Variants in TRABD2A observed in about 807,000 individuals in gnomAD.
TRABD2A encodes the protein TraB domain containing 2A, also known as metalloprotease TIKI1.
A neutral mutation model predicts 45.6 loss-of-function variants in TRABD2A; 43 were observed. That is an observed-to-expected ratio of 0.94 (90% CI 0.74 to 1.22). The LOEUF (loss-of-function observed/expected upper bound fraction) is 1.22, where lower values mean the gene tolerates loss of function less well. Among genes scored for constraint, TRABD2A ranks in the 50% most tolerant of loss-of-function variants. The pLI, the probability that TRABD2A is intolerant of heterozygous loss-of-function variation, is 0.00. For synonymous variants in TRABD2A, 269 were observed against 265.0 expected (o/e 1.02, Z -0.15); for missense variants, 642 against 652.4 (o/e 0.98, Z 0.17).
chr2:84,876,428 C>T (rs1026917521), intron 1 of TRABD2A, among the ~76,000 whole-genome samples: 3 of 152,064 alleles, frequency 2.0e-5, no homozygotes, highest in Admixed American at 6.5e-5. Flanking sequence ...AGTAGGAGGC[C>T]GATTGAAGAA....
chr2:84,845,008 T>G (rs1251162322), intron 2 of TRABD2A, among the ~76,000 whole-genome samples: 1 of 152,226 alleles, frequency 6.6e-6, no homozygotes, highest in Non-Finnish European at 1.5e-5. Context: ...AACAGACATG[T>G]CAGTCTGCAA....
At position 84,870,095 on chromosome 2, in the gene TRABD2A, G is replaced by A. The variant is rs563892995; in HGVS notation, c.669+130C>T. ...CCACTTGGCTTTTTTTTTAACCCCC[G>A]GAAAAGCATTTTTAAGCAAAGACAA... On this transcript the variant is annotated intron_variant, in intron 2 of 6. Transcript: ENST00000409520. 39 of 968,742 alleles carry A rather than the reference G, an allele frequency of 4.0e-5. No individual in the cohort carries two copies. In the South Asian group the frequency reaches 4.1e-4, roughly 10 times the overall value. The allele number at this position is 968,742 out of a possible 1,614,324, so 60.0% of individuals were successfully genotyped here.
intron 3 of TRABD2A, among the ~76,000 whole-genome samples, chr2:84,840,142 C>T (rs1416234964): frequency 6.6e-6 from 1 of 152,154 alleles, no homozygotes; most frequent in East Asian, 1.9e-4. Context: ...CCAGTAGCCT[C>T]TCAAAAAGCT....
chr2:84,853,888 C>A (rs147157472), intron 2 of TRABD2A, among the ~76,000 whole-genome samples: 1 of 152,050 alleles, frequency 6.6e-6, no homozygotes, highest in Non-Finnish European at 1.5e-5. Flanking sequence ...GGCATGGTGG[C>A]GCACACCTGT....
At chr2:84,876,834 C>T (rs1683039121) in intron 1 of TRABD2A, among the ~76,000 whole-genome samples, 2 of 152,288 alleles carry the variant, frequency 1.3e-5, no homozygotes, top group South Asian at 2.1e-4. Flanking sequence ...ACCACACTGA[C>T]CTTGTTACAT....
rs780491703 is a variant in TRABD2A, at chr2:84,822,117, A to C, written c.1335-17T>G. 13 of 1,536,820 alleles carry C rather than the reference A, an allele frequency of 8.5e-6. No homozygotes were observed. The Admixed American group carries it at 2.6e-4, about 30-fold the overall frequency. ...ACTATGTCACTAGGAGGCAAAGAGAAAGACAGAGTCTGAAGTCACAGCAGA... is the reference window on the plus strand; with the variant it reads ...ACTATGTCACTAGGAGGCAAAGAGACAGACAGAGTCTGAAGTCACAGCAGA... On this transcript the variant is annotated splice_polypyrimidine_tract_variant and intron_variant, in intron 6 of 6. Transcript: ENST00000409520.
intron 4 of TRABD2A, chr2:84,836,134 G>A (rs1232769802): frequency 6.6e-6 from 1 of 152,184 alleles, no homozygotes; most frequent in East Asian, 1.9e-4. Flanking sequence ...GAAAGCATCA[G>A]ACCCAGACTC....
chr2:84,828,131 CTT>C (rs1469801694), intron 5 of TRABD2A, among the ~76,000 whole-genome samples: 1 of 152,194 alleles, frequency 6.6e-6, no homozygotes, highest in Non-Finnish European at 1.5e-5. Flanking sequence ...AACCCCATCT[CTT>C]TCTCTTCTCT....
intron 5 of TRABD2A, 65 bp downstream of exon 5, chr2:84,831,990 T>C: frequency 6.4e-7 from 1 of 1,564,584 alleles, no homozygotes; most frequent in Non-Finnish European, 8.8e-7. Context: ...CAGCCCACCC[T>C]GGTGCCCAGG....
intron 5 of TRABD2A, among the ~76,000 whole-genome samples, chr2:84,825,154 G>A (rs1270621809): frequency 1.3e-5 from 2 of 152,168 alleles, no homozygotes; most frequent in African/African-American, 2.4e-5. Flanking sequence ...GCCTGAGGAA[G>A]GGGAGCAGTG....
intron 1 of TRABD2A, chr2:84,874,853 C>G (rs1268149761): frequency 5.4e-6 from 1 of 184,824 alleles, no homozygotes; most frequent in African/African-American, 2.4e-5. Flanking sequence ...GCCCTCGAAG[C>G]CTTCAAGGAA....
chr2:84,834,355 T>C (rs1681434484), intron 4 of TRABD2A: 1 of 152,188 alleles, frequency 6.6e-6, no homozygotes, highest in Non-Finnish European at 1.5e-5. Flanking sequence ...CTGCAGTTTG[T>C]TTGTGGCAGA....
At chr2:84,832,687 C>G (rs1681378403) in intron 4 of TRABD2A, 1 of 153,032 alleles carries the variant, frequency 6.5e-6, no homozygotes, top group African/African-American at 2.4e-5. Flanking sequence ...GTAATCCCAG[C>G]TACTTGAGAG....
chr2:84,866,501 C>G (rs927927974), intron 2 of TRABD2A, among the ~76,000 whole-genome samples: 3 of 152,112 alleles, frequency 2.0e-5, no homozygotes, highest in African/African-American at 7.2e-5. Context: ...GAAAAAAAAT[C>G]TTTGTCTATA....
At chr2:84,823,805 G>T in intron 6 of TRABD2A, 148 bp downstream of exon 6, 1 of 1,092,816 alleles carries the variant, frequency 9.2e-7, no homozygotes, top group Non-Finnish European at 1.3e-6. Flanking sequence ...CTGTCACAGT[G>T]GACAGAAAAA....
intron 3 of TRABD2A, among the ~76,000 whole-genome samples, chr2:84,841,451 A>G (rs757481534): frequency 2.0e-5 from 3 of 152,220 alleles, no homozygotes; most frequent in Non-Finnish European, 4.4e-5. Context: ...CTGTGAATAC[A>G]CAGCTATATC....
chr2:84,827,387 C>G (rs1681181054), intron 5 of TRABD2A, among the ~76,000 whole-genome samples: 1 of 152,210 alleles, frequency 6.6e-6, no homozygotes, highest in African/African-American at 2.4e-5. Context: ...ATAAAATTAA[C>G]CTATCCTACC....
intron 1 of TRABD2A, among the ~76,000 whole-genome samples, chr2:84,880,297 C>T (rs1356857581): frequency 6.6e-6 from 1 of 152,158 alleles, no homozygotes. Flanking sequence ...CCCTCACCCA[C>T]AAAACGTTGA....
At position 84,864,869 on chromosome 2, in the gene TRABD2A, G is replaced by T. The variant is rs1053708593; in HGVS notation, c.669+5356C>A. ...AAGAATCTGACCCCTTCCTCCACAG[G>T]AGTCTTCCTCAGGCCATCTAGCACC... is the stretch of plus-strand genomic sequence containing the variant. On this transcript the variant is annotated intron_variant, in intron 2 of 6. Coordinates refer to ENST00000409520, the MANE Select transcript of TRABD2A (RefSeq NM_001277053.2). Among the ~76,000 whole-genome samples the T allele has an allele frequency of 2.0e-5, 3 of 152,122 alleles. No individual in the cohort carries two copies. The East Asian group carries it at 5.8e-4, about 29-fold the overall frequency.
Sources: allele counts gnomAD v4.1 joint callset (sites outside exome capture counted in the v4.1 genomes callset), GRCh38; gene constraint gnomAD v4.1.1; transcripts MANE v1.5; gene names NCBI Gene and HGNC (gene_info 2026-07-23, HGNC 2026-07-21).